ZNF143: variants seen among roughly 807,000 people sequenced by gnomAD.
ZNF143 encodes the protein SPH-binding factor.
ZNF143 carries 49 observed loss-of-function variants against 74.1 expected under a neutral mutation model. The ratio of observed to expected loss-of-function variants is 0.66; its 90% CI spans 0.53 to 0.84. The LOEUF (loss-of-function observed/expected upper bound fraction) is 0.84. ZNF143 is among the 40% of genes least tolerant of loss of function. The probability of loss-of-function intolerance (pLI) is 0.00; values close to 1 mark genes in which losing one functional copy is unlikely to be tolerated. For missense variants in ZNF143, 637 were observed against 793.4 expected (o/e 0.80, Z 2.37); for synonymous variants, 304 against 282.8 (o/e 1.07, Z -0.75).
chr11:9,486,396 A>ATATATATAAT (rs1245802133), intron 7 of ZNF143, among the ~76,000 whole-genome samples: 4 of 11,914 alleles, frequency 3.4e-4, no homozygotes, highest in Middle Eastern at 0.056. Flanking sequence ...TAATATATAT[A>ATATATATAAT]ATATATTATA....
chr11:9,468,819 A>C (rs1856396806), intron 1 of ZNF143, among the ~76,000 whole-genome samples: 1 of 152,116 alleles, frequency 6.6e-6, no homozygotes, highest in African/African-American at 2.4e-5. Context: ...CCTGGGTGAC[A>C]GAGTGAGACT....
At chr11:9,480,315 T>G (rs1241053072) in intron 7 of ZNF143, among the ~76,000 whole-genome samples, 1 of 152,230 alleles carries the variant, frequency 6.6e-6, no homozygotes, top group Non-Finnish European at 1.5e-5. Flanking sequence ...TGTATAATCA[T>G]TGTAGTACAT....
intron 1 of ZNF143, among the ~76,000 whole-genome samples, chr11:9,463,237 A>G: frequency 6.6e-6 from 1 of 152,208 alleles, no homozygotes; most frequent in Non-Finnish European, 1.5e-5. Flanking sequence ...AATGCTATGA[A>G]CATTTGTACG....
intron 1 of ZNF143, among the ~76,000 whole-genome samples, chr11:9,464,291 C>G (rs1199754654): frequency 6.6e-6 from 1 of 152,032 alleles, no homozygotes; most frequent in Non-Finnish European, 1.5e-5. Context: ...GCCACAATGC[C>G]CAGCTAATTT....
chr11:9,522,083 AAGTC>A (rs1269755408), intron 14 of ZNF143, among the ~76,000 whole-genome samples: 3 of 152,058 alleles, frequency 2.0e-5, no homozygotes, highest in African/African-American at 7.2e-5. Context: ...AAAAAAAAAA[AAGTC>A]AGTGGAAGGT....
At chr11:9,516,945 C>T (rs190744101) in intron 14 of ZNF143, among the ~76,000 whole-genome samples, 2 of 152,262 alleles carry the variant, frequency 1.3e-5, no homozygotes, top group East Asian at 1.9e-4. Context: ...TAGCTCTCTT[C>T]TGGTTTTTGA....
chr11:9,494,207 G>A (rs765612712), intron 7 of ZNF143, among the ~76,000 whole-genome samples: 20 of 152,216 alleles, frequency 1.3e-4, no homozygotes, highest in Non-Finnish European at 2.4e-4. Flanking sequence ...GGCTGAAAGA[G>A]TCCTAATAAA....
intron 14 of ZNF143, among the ~76,000 whole-genome samples, chr11:9,524,829 G>T (rs894638461): frequency 6.6e-6 from 1 of 151,914 alleles, no homozygotes; most frequent in Admixed American, 6.6e-5. Flanking sequence ...TTTTAAATAC[G>T]ACAAGTAAAG....
chr11:9,486,422 ATATATATTATATATATAATATAT>A (rs1565039284), intron 7 of ZNF143, among the ~76,000 whole-genome samples: 5 of 36,452 alleles, frequency 1.4e-4, no homozygotes, highest in East Asian at 5.7e-4. Flanking sequence ...AATATATATT[ATATATATTATATATATAATATAT>A]TATATATATT....
chr11:9,501,415 C>A (rs1367182350), intron 11 of ZNF143, 145 bp downstream of exon 11: 5 of 906,616 alleles, frequency 5.5e-6, no homozygotes, highest in Non-Finnish European at 8.2e-6. Flanking sequence ...GAAAAAGTTT[C>A]ACCTTAACAG....
chr11:9,525,686 C>A (rs1450524869), intron 15 of ZNF143, among the ~76,000 whole-genome samples: 1 of 152,106 alleles, frequency 6.6e-6, no homozygotes. Flanking sequence ...TCTAATTAGG[C>A]AGGGGTCTGT....
rs954404348 is a variant in ZNF143, at chr11:9,520,025, A to ATTTTTTTTTT, written c.1686+3683_1686+3692dup. On this transcript the variant is annotated intron_variant, in intron 14 of 15. Transcript: ENST00000396602. ...ATGTAGCAAGACACTGTTTCCACCAATTTTTTTTTTTTTTTTTTTTTTTTT... is the reference window on the plus strand; with the variant it reads ...ATGTAGCAAGACACTGTTTCCACCAATTTTTTTTTTTTTTTTTTTTTTTTTTTTTTTTTTT... 1.7e-3 allele frequency among the ~76,000 whole-genome samples: 152 copies of ATTTTTTTTTT among 91,382 alleles called. 15 individuals are homozygous for ATTTTTTTTTT. The highest frequency in any genetic ancestry group is 6.9e-3 in the African/African-American group (146 of 21,026). The allele number at this position is 91,382 out of a possible 152,430, so 60.0% of individuals were successfully genotyped here.
At chr11:9,462,564 A>G (rs532762391) in intron 1 of ZNF143, among the ~76,000 whole-genome samples, 88 of 152,038 alleles carry the variant, frequency 5.8e-4, no homozygotes, top group African/African-American at 2.0e-3. Context: ...TCTCGAAAAA[A>G]AAAAAAGTGA....
At chr11:9,504,750 C>T (rs1395073694) in intron 11 of ZNF143, among the ~76,000 whole-genome samples, 2 of 115,702 alleles carry the variant, frequency 1.7e-5, no homozygotes, top group African/African-American at 5.5e-5. Flanking sequence ...TCTCAGCTCA[C>T]TGCAACCTCC....
chr11:9,471,369 A>T lies in ZNF143; in HGVS notation c.61A>T (p.Met21Leu). The change falls in exon 2 of 16, where the codon ATG becomes TTG. Residue 21 changes from methionine (M) to leucine (L), a missense_variant. By Grantham distance (15) the Met-to-Leu change is conservative. Coordinates refer to ENST00000396602, the MANE Select transcript of ZNF143 (RefSeq NM_003442.6). ...QGMTEFPGGG[M>L]EAQHVTLCLT... ...AATGACAGAGTTTCCTGGAGGAGGG[A>T]TGGAGGCGCAACATGTTACGCTGTG... is the stretch of plus-strand genomic sequence containing the variant. 6.2e-7 allele frequency: 1 copy of T among 1,612,702 alleles called. No individual in the cohort carries two copies. The highest frequency in any genetic ancestry group is 1.1e-5 in the South Asian group (1 of 90,714).
chr11:9,476,789 T>A (rs1422110850), intron 5 of ZNF143, among the ~76,000 whole-genome samples: 1 of 98,206 alleles, frequency 1.0e-5, no homozygotes, highest in Non-Finnish European at 1.9e-5. Flanking sequence ...AGACAGACTC[T>A]CGCTCTCTCT....
At chr11:9,477,205 CCCTTCCCTTCCTTCCCTTCCTTCCCTT>C (rs1159574052) in intron 5 of ZNF143, among the ~76,000 whole-genome samples, 13 of 108,326 alleles carry the variant, frequency 1.2e-4, no homozygotes, top group East Asian at 6.8e-4. Context: ...TCCTTTCCCT[CCCTTCCCTTCCTTCCCTTCCTTCCCTT>C]CCTTCCCTTC....
intron 2 of ZNF143, 129 bp downstream of exon 2, chr11:9,471,549 T>A (rs1241761472): frequency 1.8e-5 from 11 of 596,408 alleles, no homozygotes; most frequent in Non-Finnish European, 2.7e-5. Flanking sequence ...TGAGGTGTTT[T>A]GGTGTTTTTT....
intron 14 of ZNF143, among the ~76,000 whole-genome samples, 174 bp from the exon 15 acceptor site, chr11:9,525,066 A>G (rs1259862598): frequency 6.6e-6 from 1 of 152,198 alleles, no homozygotes; most frequent in Non-Finnish European, 1.5e-5. Flanking sequence ...ACCTTAGATA[A>G]TGAGCCTCAA....
Sources: gnomAD v4.1 joint callset for allele counts (sites outside exome capture counted in the v4.1 genomes callset) on GRCh38, gnomAD v4.1.1 for gene constraint, MANE v1.5 for transcripts, NCBI Gene and HGNC (gene_info 2026-07-23, HGNC 2026-07-21) for gene names.